Variants in CD55 observed in about 807,000 individuals in gnomAD.
CD55 encodes complement decay-accelerating factor.
CD55 carries 41 observed loss-of-function variants against 45.8 expected under a neutral mutation model. The ratio of observed to expected loss-of-function variants is 0.90; its 90% CI spans 0.70 to 1.16. The LOEUF (loss-of-function observed/expected upper bound fraction) is 1.16, where lower values mean the gene tolerates loss of function less well. CD55 is among the 50% of genes most tolerant of loss of function. The probability of loss-of-function intolerance (pLI) is 0.00; values close to 1 mark genes in which losing one functional copy is unlikely to be tolerated. For synonymous variants in CD55, 181 were observed against 181.1 expected (o/e 1.00, Z 0.01); for missense variants, 416 against 469.8 (o/e 0.89, Z 1.06).
At chr1:207,340,486 C>A (rs1052927140) in intron 9 of CD55, 2 of 682,982 alleles carry the variant, frequency 2.9e-6, no homozygotes, top group South Asian at 3.1e-5. Flanking sequence ...CCACTTCAGC[C>A]TCCCAAGTAG....
At chr1:207,335,489 T>C (rs1655129073) in intron 6 of CD55, among the ~76,000 whole-genome samples, 1 of 152,146 alleles carries the variant, frequency 6.6e-6, no homozygotes, top group Non-Finnish European at 1.5e-5. Flanking sequence ...TCTAGGAAAT[T>C]TAAACTCTAA....
intron 9 of CD55, among the ~76,000 whole-genome samples, chr1:207,355,754 T>A (rs945912073): frequency 6.6e-6 from 1 of 152,284 alleles, no homozygotes; most frequent in East Asian, 1.9e-4. Flanking sequence ...TTTACTCATC[T>A]AAAAAATGAA....
chr1:207,340,110 T>C (rs537888673), intron 9 of CD55, among the ~76,000 whole-genome samples: 2 of 152,304 alleles, frequency 1.3e-5, no homozygotes, highest in African/African-American at 4.8e-5. Context: ...AGTCTCTTCA[T>C]CCTCCCTCCT....
intron 9 of CD55, chr1:207,347,178 A>G (rs1458395069): frequency 2.2e-6 from 1 of 456,296 alleles, no homozygotes; most frequent in Non-Finnish European, 4.4e-6. Flanking sequence ...CTAGTCAGAC[A>G]TCTTGAAGCC....
intron 1 of CD55, 44 bp downstream of exon 1, chr1:207,321,909 G>T: frequency 7.2e-7 from 1 of 1,384,830 alleles, no homozygotes; most frequent in African/African-American, 1.5e-5. Context: ...GGGCTGGGTG[G>T]GAGGTCCAAG....
chr1:207,336,798 C>A lies in CD55; in HGVS notation c.959C>A (p.Thr320Asn), dbSNP rs1313739258. 2.5e-6 allele frequency: 4 copies of A among 1,613,750 alleles called. No homozygotes were observed. The highest frequency in any genetic ancestry group is 3.3e-4 in the Middle Eastern group (2 of 6,084). The change falls in exon 7 of 10, where the codon ACC becomes AAC. Residue 320 changes from threonine to asparagine, a missense_variant. By Grantham distance (65) the Thr-to-Asn change is moderately conservative. Transcript: ENST00000367064. ...SPTSQKTTTK[T>N]TTPNAQATRS... Reference sequence around the variant, plus strand: ...ACTTCTCAGAAAACCACCACAAAAACCACCACACCAAATGCTCAAGGTACA... The same window carrying A: ...ACTTCTCAGAAAACCACCACAAAAAACACCACACCAAATGCTCAAGGTACA...
At chr1:207,351,692 G>C (rs999648821) in intron 9 of CD55, among the ~76,000 whole-genome samples, 5 of 152,168 alleles carry the variant, frequency 3.3e-5, no homozygotes, top group African/African-American at 1.2e-4. Flanking sequence ...TGTTTCAAAT[G>C]AAAGTCTGAT....
At chr1:207,337,245 C>A in intron 7 of CD55, 84 bp from the exon 8 acceptor site, 1 of 877,678 alleles carries the variant, frequency 1.1e-6, no homozygotes, top group South Asian at 1.4e-5. Flanking sequence ...AGTCCTTCAG[C>A]AGCACGTAAG....
intron 6 of CD55, 80 bp downstream of exon 6, chr1:207,331,376 C>T: frequency 9.0e-7 from 1 of 1,107,172 alleles, no homozygotes; most frequent in Non-Finnish European, 1.3e-6. Flanking sequence ...TCAATGAACC[C>T]CCTAAGAAAA....
chr1:207,351,855 T>G (rs1442009028), intron 9 of CD55, among the ~76,000 whole-genome samples: 1 of 152,168 alleles, frequency 6.6e-6, no homozygotes, highest in Non-Finnish European at 1.5e-5. Flanking sequence ...TAGTCGGCAT[T>G]CCAGCTTGTG....
At chr1:207,347,003 C>T in intron 9 of CD55, 4 of 430,348 alleles carry the variant, frequency 9.3e-6, no homozygotes, top group Non-Finnish European at 1.9e-5. Flanking sequence ...TCCAGGCAAT[C>T]TCAGCCAAAC....
rs78666583 is a variant in CD55, at chr1:207,358,803, C to G, written c.1082-743C>G. ...ATCTCTCATTACTATGACATATCGT[C>G]AGTTCTGGACTTGGTAGCAGTAATG... On this transcript the variant is annotated intron_variant, in intron 9 of 9. Transcript: ENST00000367064. 1.1e-3 allele frequency among the ~76,000 whole-genome samples: 172 copies of G among 152,044 alleles called. 1 individual carries two copies. Among genetic ancestry groups the G allele is most frequent in the African/African-American group, 4.1e-3 (170 of 41,514 alleles).
chr1:207,343,904 A>G (rs1200838591), intron 9 of CD55, among the ~76,000 whole-genome samples: 1 of 152,174 alleles, frequency 6.6e-6, no homozygotes, highest in Non-Finnish European at 1.5e-5. Flanking sequence ...CTCTTTGTCA[A>G]TTATATAATG....
intron 9 of CD55, among the ~76,000 whole-genome samples, chr1:207,359,209 G>A (rs569911518): frequency 1.2e-3 from 175 of 151,822 alleles, no homozygotes; most frequent in African/African-American, 4.2e-3. Context: ...TAGTATTCAG[G>A]GGTTTTTATT....
In CD55 at chr1:207,324,618, C is replaced by A; in HGVS notation, c.346C>A (p.Gln116Lys). ...SASLKQPYIT[Q>K]NYFPVGTVVE... ...ATCCCTCAAACAGCCTTATATCACT[C>A]AGAATTATTTTCCAGTCGGTACTGT... Residue 116 changes from glutamine to lysine, a missense_variant, in exon 3 of 10, where the codon CAG (glutamine) becomes AAG (lysine). Transcript: ENST00000367064. The A allele has an allele frequency of 6.2e-7, 1 of 1,611,774 alleles. No homozygotes were observed. The highest frequency in any genetic ancestry group is 8.5e-7 in the Non-Finnish European group (1 of 1,178,866).
chr1:207,342,786 T>G (rs543398458), intron 9 of CD55, among the ~76,000 whole-genome samples: 16 of 152,300 alleles, frequency 1.1e-4, no homozygotes, highest in African/African-American at 3.8e-4. Flanking sequence ...TAGTTCTCTT[T>G]TGTATGTTTG....
intron 3 of CD55, among the ~76,000 whole-genome samples, chr1:207,325,109 T>A (rs903740671): frequency 1.3e-5 from 2 of 152,036 alleles, no homozygotes; most frequent in South Asian, 4.1e-4. Context: ...CAGAGGCAGG[T>A]GGACCACTTG....
intron 2 of CD55, 75 bp from the exon 3 acceptor site, chr1:207,324,484 C>T: frequency 1.1e-6 from 1 of 932,902 alleles, no homozygotes; most frequent in Non-Finnish European, 1.6e-6. Flanking sequence ...TATTAGGGTC[C>T]AGATAATTAA....
intron 9 of CD55, among the ~76,000 whole-genome samples, chr1:207,352,247 T>TGG (rs1003497224): frequency 6.9e-6 from 1 of 144,634 alleles, no homozygotes; most frequent in Non-Finnish European, 1.5e-5. Context: ...TTTTTTTTTG[T>TGG]GGGGGGTGGG....
Sources: gnomAD v4.1 joint callset for allele counts (sites outside exome capture counted in the v4.1 genomes callset) on GRCh38, gnomAD v4.1.1 for gene constraint, MANE v1.5 for transcripts, NCBI Gene and HGNC (gene_info 2026-07-23, HGNC 2026-07-21) for gene names.